Variants in DENND5B observed in about 807,000 individuals in gnomAD.
DENND5B encodes DENN domain containing 5B.
A neutral mutation model predicts 140.6 loss-of-function variants in DENND5B; 34 were observed. The ratio of observed to expected loss-of-function variants is 0.24; its 90% CI spans 0.18 to 0.32. The LOEUF is 0.32. Ranked by LOEUF, DENND5B falls within the 10% of genes least tolerant of loss-of-function variation. The probability of loss-of-function intolerance (pLI) is 1.00; values close to 1 mark genes in which losing one functional copy is unlikely to be tolerated. For synonymous variants in DENND5B, 551 were observed against 562.1 expected, an observed-to-expected ratio of 0.98 and a Z score of 0.28; for missense variants, 1,142 against 1,560.2, an observed-to-expected ratio of 0.73 and a Z score of 4.52.
intron 3 of DENND5B, among the ~76,000 whole-genome samples, chr12:31,475,671 C>A (rs761388343): frequency 1.3e-5 from 2 of 152,004 alleles, no homozygotes; most frequent in African/African-American, 2.4e-5. Context: ...GTTGCTTGAG[C>A]CCTGGAGTTT....
At chr12:31,540,906 T>C (rs1003847921) in intron 1 of DENND5B, 3 of 418,876 alleles carry the variant, frequency 7.2e-6, no homozygotes, top group African/African-American at 6.2e-5. Context: ...TCCACACATT[T>C]ACAGTGAACT....
chr12:31,459,191 GA>G lies in DENND5B; in HGVS notation c.1092+1002del, dbSNP rs201303922. On this transcript the variant is annotated intron_variant, in intron 4 of 20. Coordinates refer to ENST00000389082, the MANE Select transcript of DENND5B (RefSeq NM_144973.4). ...GCACTCCAGCCTGGGCAACAAGAGC[GA>G]AACTCCATCTCAAAAGAAAAGAAAA... Among the ~76,000 whole-genome samples the G allele has an allele frequency of 7.7e-3, 1,119 of 144,850 alleles. 13 individuals are homozygous for G. The highest frequency in any genetic ancestry group is 0.027 in the African/African-American group (1,050 of 38,312).
intron 8 of DENND5B, chr12:31,426,795 C>T: frequency 4.8e-6 from 1 of 210,074 alleles, no homozygotes; most frequent in Non-Finnish European, 9.7e-6. Flanking sequence ...CTGCAGGAGC[C>T]CAGCTGTTCT....
intron 1 of DENND5B, among the ~76,000 whole-genome samples, chr12:31,575,512 G>C (rs1052763235): frequency 1.3e-5 from 2 of 152,114 alleles, no homozygotes; most frequent in Non-Finnish European, 2.9e-5. Context: ...ATAAAAAATT[G>C]ATATAAATTT....
chr12:31,479,455 A>T, intron 3 of DENND5B, 134 bp downstream of exon 3: 1 of 824,028 alleles, frequency 1.2e-6, no homozygotes, highest in Non-Finnish European at 1.7e-6. Context: ...TGGTCCCACC[A>T]TACCTGCTCC....
chr12:31,446,998 A>G (rs793180), intron 6 of DENND5B, among the ~76,000 whole-genome samples: 51,540 of 151,370 alleles, frequency 0.34, 9,973 homozygotes, highest in Non-Finnish European at 0.46. Flanking sequence ...CAGGCTGGAC[A>G]TGGTGGCTCA....
intron 1 of DENND5B, among the ~76,000 whole-genome samples, chr12:31,561,017 A>G (rs1019173185): frequency 7.2e-5 from 11 of 152,216 alleles, no homozygotes; most frequent in Admixed American, 2.6e-4. Flanking sequence ...CAGAGGGAGT[A>G]TTCTTACGAG....
At chr12:31,485,053 T>A (rs943708203) in intron 2 of DENND5B, among the ~76,000 whole-genome samples, 4 of 152,184 alleles carry the variant, frequency 2.6e-5, no homozygotes, top group Non-Finnish European at 4.4e-5. Context: ...TGCTGCTGGT[T>A]TGATCCACTA....
chr12:31,398,218 C>G lies in DENND5B; in HGVS notation c.3213G>C (p.Thr1071=). 1 of 1,605,196 alleles carries G rather than the reference C, an allele frequency of 6.2e-7. No individual in the cohort carries two copies. Among genetic ancestry groups the G allele is most frequent in the Non-Finnish European group, 8.5e-7 (1 of 1,176,096 alleles). Residue 1071 remains threonine (T), a synonymous_variant, in exon 17 of 21, where the codon ACG becomes ACC. Coordinates refer to ENST00000389082, the MANE Select transcript of DENND5B (RefSeq NM_144973.4). ...RTPPQQKSPT[T]ARRLSITSLT... Reference sequence around the variant, plus strand: ...GTGAAGTGATGCTCAATCTCCTAGCCGTGGTGGGTGACTTCTGCTGGGGTG... The same window carrying G: ...GTGAAGTGATGCTCAATCTCCTAGCGGTGGTGGGTGACTTCTGCTGGGGTG...
chr12:31,581,966 AT>A (rs113004276), intron 1 of DENND5B, among the ~76,000 whole-genome samples: 2,551 of 152,266 alleles, frequency 0.017, 74 homozygotes, highest in African/African-American at 0.058. Flanking sequence ...TACGATGCAA[AT>A]TCCATGTAAA....
intron 17 of DENND5B, chr12:31,396,299 AC>A (rs1447121428): frequency 6.7e-6 from 1 of 148,302 alleles, no homozygotes; most frequent in African/African-American, 2.5e-5. Context: ...TGAACTCCTG[AC>A]CTCAGGTGAT....
At chr12:31,482,108 ACTG>A (rs1946093628) in intron 2 of DENND5B, among the ~76,000 whole-genome samples, 2 of 152,162 alleles carry the variant, frequency 1.3e-5, no homozygotes, top group Admixed American at 1.3e-4. Flanking sequence ...GGGTGTCCAA[ACTG>A]CTCCTCACAG....
chr12:31,548,732 C>A (rs1209038185), intron 1 of DENND5B, among the ~76,000 whole-genome samples: 1 of 152,164 alleles, frequency 6.6e-6, no homozygotes, highest in Non-Finnish European at 1.5e-5. Flanking sequence ...ACAGACCTTT[C>A]AACAAGTGTG....
chr12:31,470,482 T>A (rs1287348028), intron 3 of DENND5B, among the ~76,000 whole-genome samples: 3 of 152,144 alleles, frequency 2.0e-5, no homozygotes, highest in African/African-American at 7.2e-5. Context: ...ACTCTTGGGC[T>A]CAAGAGATCT....
chr12:31,555,392 G>C (rs1358267152), intron 1 of DENND5B, among the ~76,000 whole-genome samples: 1 of 152,182 alleles, frequency 6.6e-6, no homozygotes, highest in Non-Finnish European at 1.5e-5. Flanking sequence ...CGCAGATGCT[G>C]CTGCCTGATC....
At chr12:31,550,527 G>C (rs1347040033) in intron 1 of DENND5B, among the ~76,000 whole-genome samples, 2 of 151,864 alleles carry the variant, frequency 1.3e-5, no homozygotes, top group East Asian at 1.9e-4. Context: ...ATAAACATAC[G>C]TGTGCATGTG....
chr12:31,531,591 T>G (rs114902489), intron 1 of DENND5B, among the ~76,000 whole-genome samples: 42 of 152,208 alleles, frequency 2.8e-4, no homozygotes, highest in Middle Eastern at 3.2e-3. Flanking sequence ...GTAAGCACTA[T>G]AGGTTTACTT....
chr12:31,404,950 C>G (rs2568895), intron 14 of DENND5B, among the ~76,000 whole-genome samples: 148,777 of 151,848 alleles, frequency 0.98, 72,958 homozygotes, highest in East Asian at 1. Context: ...AGTAGAGATG[C>G]GGTTTCACCA....
chr12:31,448,526 C>T (rs1047970981), intron 5 of DENND5B, among the ~76,000 whole-genome samples: 1 of 152,204 alleles, frequency 6.6e-6, no homozygotes, highest in East Asian at 1.9e-4. Flanking sequence ...ATACAATAAA[C>T]ACATCAGCAT....
Sources: allele counts gnomAD v4.1 joint callset (sites outside exome capture counted in the v4.1 genomes callset), GRCh38; gene constraint gnomAD v4.1.1; transcripts MANE v1.5; gene names NCBI Gene and HGNC (gene_info 2026-07-23, HGNC 2026-07-21).